The following ADCY10 variants were observed in gnomAD, a reference collection of about 807,000 sequenced individuals.
ADCY10 encodes adenylate cyclase type 10.
Under a neutral mutation model 183.3 loss-of-function variants are expected in ADCY10, and 156 were observed. The observed-to-expected ratio is 0.85, with a 90% CI of 0.75 to 0.97. The LOEUF is 0.97. Ranked by LOEUF, ADCY10 falls within the 50% of genes least tolerant of loss-of-function variation. The pLI is 0.00. For missense variants in ADCY10, 1,745 were observed against 1,934.3 expected (o/e 0.90, Z 1.84); for synonymous variants, 645 against 670.0 (o/e 0.96, Z 0.58).
At chr1:167,864,525 C>T (rs897553861) in intron 14 of ADCY10, among the ~76,000 whole-genome samples, 7 of 151,926 alleles carry the variant, frequency 4.6e-5, no homozygotes, top group South Asian at 2.1e-4. Context: ...ACCCCCTTCG[C>T]CCCCACAGTA....
In ADCY10 at chr1:167,848,401, A is replaced by G. The variant is rs203795; in HGVS notation, c.2397T>C (p.Gly799=). The change falls in exon 19 of 33, where the codon GGT becomes GGC. Residue 799 remains glycine (G), a synonymous_variant. Transcript: ENST00000367851. ...ESEEVCHLTS[G]VRLKNLSPPT... ...GAGGTGACAGGTTTTTCAGTCTGACACCACTTGTGAGGTGACAGACTTCTT... is the reference window on the plus strand; with the variant it reads ...GAGGTGACAGGTTTTTCAGTCTGACGCCACTTGTGAGGTGACAGACTTCTT... 0.74 allele frequency: 1,192,152 copies of G among 1,613,316 alleles called. 443,192 individuals carry two copies. The highest frequency in any genetic ancestry group is 0.9 in the African/African-American group (67,771 of 74,980).
At chr1:167,844,853 C>T (rs1407922092) in intron 21 of ADCY10, among the ~76,000 whole-genome samples, 1 of 152,132 alleles carries the variant, frequency 6.6e-6, no homozygotes. Context: ...CACCAAGGTC[C>T]TCTGACTAGA....
intron 14 of ADCY10, among the ~76,000 whole-genome samples, chr1:167,864,035 G>A (rs2102075141): frequency 6.6e-6 from 1 of 152,350 alleles, no homozygotes; most frequent in East Asian, 1.9e-4. Flanking sequence ...CACCCACGGT[G>A]TGCCTGTTCC....
intron 18 of ADCY10, among the ~76,000 whole-genome samples, chr1:167,850,291 A>G (rs203797): frequency 0.13 from 19,946 of 152,104 alleles, 1,420 homozygotes; most frequent in African/African-American, 0.18. Context: ...CAGAGACACG[A>G]AGTACAGAAG....
Position 167,822,058 on chromosome 1 carries a change from G to A in ADCY10, c.4252C>T (p.Leu1418Phe). The A allele has an allele frequency of 1.9e-6, 3 of 1,604,382 alleles. No individual in the cohort carries two copies. The highest frequency in any genetic ancestry group is 2.6e-6 in the Non-Finnish European group (3 of 1,171,058). The change falls in exon 30 of 33, where the codon CTC becomes TTC. Residue 1418 changes from leucine to phenylalanine, a missense_variant. Coordinates refer to ENST00000367851, the MANE Select transcript of ADCY10 (RefSeq NM_018417.6). The part of the protein sequence containing the change: ...NNRILKFHSG[L>F]LLGLYSSVAI... ...ACAGAGGAATAAAGTCCCAGGAGGA[G>A]TCCACTGTGGAACTTGAGGATTCTG...
At chr1:167,826,774 A>C (rs12407873) in intron 26 of ADCY10, among the ~76,000 whole-genome samples, 72,762 of 151,902 alleles carry the variant, frequency 0.48, 17,762 homozygotes, top group Admixed American at 0.51. Flanking sequence ...AAATGGTAAT[A>C]ATACCTATTA....
intron 8 of ADCY10, among the ~76,000 whole-genome samples, chr1:167,889,335 A>G (rs573914900): frequency 5.3e-5 from 8 of 152,260 alleles, no homozygotes; most frequent in African/African-American, 1.9e-4. Context: ...AAATGATAAT[A>G]TGGTTTTTGT....
intron 8 of ADCY10, among the ~76,000 whole-genome samples, chr1:167,888,446 A>G (rs1021283287): frequency 2.0e-5 from 3 of 151,930 alleles, no homozygotes; most frequent in Non-Finnish European, 4.4e-5. Context: ...TCTTGTGTCA[A>G]CATTTTATAG....
intron 26 of ADCY10, among the ~76,000 whole-genome samples, chr1:167,826,246 G>A (rs1380290269): frequency 6.6e-6 from 1 of 152,200 alleles, no homozygotes; most frequent in African/African-American, 2.4e-5. Context: ...AGAAGTGTTG[G>A]GCACGAGAAA....
chr1:167,830,242 T>G (rs1170823929), intron 25 of ADCY10, among the ~76,000 whole-genome samples: 2 of 152,094 alleles, frequency 1.3e-5, no homozygotes, highest in African/African-American at 4.8e-5. Context: ...TCCAGCCCAC[T>G]TTTCCCCTTT....
Position 167,820,183 on chromosome 1 carries a change from G to T in ADCY10, c.4286+1841C>A, listed in dbSNP as rs1223054878. 5.8e-6 allele frequency: 9 copies of T among 1,538,676 alleles called. No individual in the cohort carries two copies. In the African/African-American group the frequency reaches 1.1e-4, roughly 19 times the overall value. ...CCGCAGATTCCCCGAATGCCGCGGC[G>T]GCCGCAGCTCCCGAGGCTGCGACGG... On this transcript the variant is annotated intron_variant, in intron 30 of 32. Transcript: ENST00000367851.
intron 7 of ADCY10, 70 bp from the exon 8 acceptor site, chr1:167,894,011 C>T: frequency 1.9e-6 from 2 of 1,032,732 alleles, no homozygotes; most frequent in Admixed American, 1.8e-5. Flanking sequence ...TGAGAGGAGG[C>T]TCCCAGTCCC....
intron 26 of ADCY10, among the ~76,000 whole-genome samples, chr1:167,826,389 C>T (rs908118125): frequency 6.6e-6 from 1 of 152,228 alleles, no homozygotes; most frequent in South Asian, 2.1e-4. Context: ...TGCAGATAGG[C>T]GGAGTCCTGG....
At chr1:167,883,893 G>A (rs1323170325) in intron 8 of ADCY10, among the ~76,000 whole-genome samples, 1 of 152,112 alleles carries the variant, frequency 6.6e-6, no homozygotes, top group Non-Finnish European at 1.5e-5. Context: ...ATGCCAATAT[G>A]AGCCATTGCA....
intron 17 of ADCY10, among the ~76,000 whole-genome samples, chr1:167,855,677 A>C (rs949845559): frequency 6.6e-6 from 1 of 152,320 alleles, no homozygotes; most frequent in African/African-American, 2.4e-5. Flanking sequence ...GGAAAAGGTG[A>C]GCAACATCCA....
chr1:167,891,507 G>A (rs185303802), intron 8 of ADCY10, among the ~76,000 whole-genome samples: 7 of 151,288 alleles, frequency 4.6e-5, no homozygotes, highest in South Asian at 2.1e-4. Flanking sequence ...ATACAAAAAC[G>A]TAGCCGGGCG....
At chr1:167,877,344 G>A (rs147165872) in intron 12 of ADCY10, among the ~76,000 whole-genome samples, 53 of 151,480 alleles carry the variant, frequency 3.5e-4, no homozygotes, top group Admixed American at 1.1e-3. Flanking sequence ...TATTCAAACT[G>A]CACTTTATTG....
chr1:167,821,219 C>G (rs1407911753), intron 30 of ADCY10: 1 of 152,360 alleles, frequency 6.6e-6, no homozygotes, highest in Non-Finnish European at 1.5e-5. Flanking sequence ...ACATGCTTAA[C>G]TGAGTTAAAA....
At chr1:167,902,975 C>A (rs992878659) in intron 3 of ADCY10, among the ~76,000 whole-genome samples, 10 of 152,192 alleles carry the variant, frequency 6.6e-5, no homozygotes, top group Non-Finnish European at 1.3e-4. Flanking sequence ...CTTGGATAGG[C>A]CAGGCATGGT....
Sources: gnomAD v4.1 joint callset for allele counts (sites outside exome capture counted in the v4.1 genomes callset) on GRCh38, gnomAD v4.1.1 for gene constraint, MANE v1.5 for transcripts, NCBI Gene and HGNC (gene_info 2026-07-23, HGNC 2026-07-21) for gene names.